The following GALNT18 variants were observed in gnomAD, a reference collection of about 807,000 sequenced individuals.
GALNT18 encodes the protein GalNAc-transferase 18.
A neutral mutation model predicts 69.5 loss-of-function variants in GALNT18; 44 were observed. The observed-to-expected ratio is 0.63, with a 90% CI of 0.50 to 0.81. The LOEUF (loss-of-function observed/expected upper bound fraction) is 0.81. Ranked by LOEUF, GALNT18 falls within the 40% of genes least tolerant of loss-of-function variation. The pLI, the probability that GALNT18 is intolerant of heterozygous loss-of-function variation, is 0.00. For synonymous variants in GALNT18, 364 were observed against 318.2 expected (o/e 1.14, Z -1.53); for missense variants, 715 against 810.0 (o/e 0.88, Z 1.42).
intron 1 of GALNT18, among the ~76,000 whole-genome samples, chr11:11,547,788 A>C (rs1858095490): frequency 6.6e-6 from 1 of 152,154 alleles, no homozygotes. Context: ...CCAGCCTAAA[A>C]TTCATTCCAT....
rs1025750243 is a variant in GALNT18, at chr11:11,573,060, G to A, written c.235+48299C>T. ...CCCATTTTACAGATGAGAAACCTGG[G>A]TCTCAGAGATACTAATGAAAGTAAC... On this transcript the variant is annotated intron_variant, in intron 1 of 10. Coordinates refer to ENST00000227756, the MANE Select transcript of GALNT18 (RefSeq NM_198516.3). This position sits in a 1 kb window ranked among gnomAD's most constrained non-coding sequence, Gnocchi z 4.6. Among the ~76,000 whole-genome samples, 1 of 152,112 alleles carries A rather than the reference G, an allele frequency of 6.6e-6. No homozygotes were observed. Among genetic ancestry groups the A allele is most frequent in the African/African-American group, 2.4e-5 (1 of 41,438 alleles).
intron 1 of GALNT18, among the ~76,000 whole-genome samples, chr11:11,472,989 C>G (rs150833064): frequency 1.3e-5 from 2 of 151,876 alleles, no homozygotes; most frequent in African/African-American, 4.8e-5. Flanking sequence ...GAGACCCTGT[C>G]TCAAAAAAAT....
At chr11:11,422,491 A>T (rs1855032735) in intron 3 of GALNT18, among the ~76,000 whole-genome samples, 1 of 152,224 alleles carries the variant, frequency 6.6e-6, no homozygotes, top group South Asian at 2.1e-4. Flanking sequence ...CTGACAGCCC[A>T]TGTGCTTGGC....
rs547145300 is a variant in GALNT18, at chr11:11,557,331, C to A, written c.235+64028G>T. On this transcript the variant is annotated intron_variant, in intron 1 of 10. Transcript: ENST00000227756. ...GTACCCGCATTTTTAAAAGCATAAA[C>A]CCTACAATTAGAGAGCTTGGATTCA... Among the ~76,000 whole-genome samples, 12 of 152,246 alleles carry A rather than the reference C, an allele frequency of 7.9e-5. No individual in the cohort carries two copies. The South Asian group carries it at 2.5e-3, about 32-fold the overall frequency.
rs1857881517 is a variant in GALNT18, at chr11:11,540,232, G to C, written c.235+81127C>G. On this transcript the variant is annotated intron_variant, in intron 1 of 10. Coordinates refer to ENST00000227756, the MANE Select transcript of GALNT18 (RefSeq NM_198516.3). This position sits in a 1 kb window ranked among gnomAD's most constrained non-coding sequence, Gnocchi z 4.6. ...ATAGTCAGTTCTGTCTCCTTAGCAA[G>C]CTATCTTCTCAAGGGCTTAGAAGGC... Among the ~76,000 whole-genome samples, 1 of 152,244 alleles carries C rather than the reference G, an allele frequency of 6.6e-6. No homozygotes were observed. Among genetic ancestry groups the C allele is most frequent in the African/African-American group, 2.4e-5 (1 of 41,474 alleles).
chr11:11,501,905 G>A (rs1427673358), intron 1 of GALNT18, among the ~76,000 whole-genome samples: 2 of 152,228 alleles, frequency 1.3e-5, no homozygotes, highest in Non-Finnish European at 2.9e-5. Context: ...CCCTCTTGCA[G>A]CAAATGCAGC....
At chr11:11,518,492 G>T (rs754267844) in intron 1 of GALNT18, among the ~76,000 whole-genome samples, 1 of 152,184 alleles carries the variant, frequency 6.6e-6, no homozygotes, top group Non-Finnish European at 1.5e-5. Flanking sequence ...TAGTAGAGAT[G>T]ATGTACCTTT....
At chr11:11,274,822 G>C (rs1354908968) in intron 10 of GALNT18, among the ~76,000 whole-genome samples, 2 of 152,284 alleles carry the variant, frequency 1.3e-5, no homozygotes, top group African/African-American at 4.8e-5. Flanking sequence ...GTTCTTTGCT[G>C]TTCTTATGAT....
chr11:11,606,596 AC>A lies in GALNT18; in HGVS notation c.235+14762del, dbSNP rs910642194. Among the ~76,000 whole-genome samples the A allele has an allele frequency of 3.9e-5, 6 of 152,112 alleles. No individual in the cohort carries two copies. The highest frequency in any genetic ancestry group is 1.4e-4 in the African/African-American group (6 of 41,406). ...AGGCAGCATCACTAGGAGCTGTTGG[AC>A]CCGAAGTCAGGCTCTGGTCAGCAGG... On this transcript the variant is annotated intron_variant, in intron 1 of 10. Transcript: ENST00000227756. The surrounding 1 kb of genome is among the most constrained non-coding windows in gnomAD (Gnocchi z 5.4).
intron 1 of GALNT18, among the ~76,000 whole-genome samples, chr11:11,460,912 T>A (rs758202751): frequency 6.6e-6 from 1 of 152,208 alleles, no homozygotes; most frequent in Non-Finnish European, 1.5e-5. Context: ...TCTCAAGTAT[T>A]CTTTTATAGC....
chr11:11,391,008 T>A (rs556821428), intron 3 of GALNT18, among the ~76,000 whole-genome samples: 35 of 152,340 alleles, frequency 2.3e-4, no homozygotes, highest in African/African-American at 7.5e-4. Context: ...CATTACCTGC[T>A]CATCAGTCTG....
chr11:11,476,024 C>T (rs547331204), intron 1 of GALNT18: 5 of 152,258 alleles, frequency 3.3e-5, no homozygotes, highest in Admixed American at 6.5e-5. Flanking sequence ...TGGCTCATGA[C>T]GATAGAAATA....
chr11:11,310,961 G>A (rs1055515115), intron 9 of GALNT18, among the ~76,000 whole-genome samples: 2 of 152,124 alleles, frequency 1.3e-5, no homozygotes, highest in Non-Finnish European at 2.9e-5. Context: ...GCTCAATGCC[G>A]CCAGCCATTC....
intron 1 of GALNT18, among the ~76,000 whole-genome samples, chr11:11,489,202 T>C (rs1339279942): frequency 1.3e-5 from 2 of 152,050 alleles, no homozygotes; most frequent in Non-Finnish European, 2.9e-5. Context: ...CCCACAGGAG[T>C]ATGAATGGGG....
At chr11:11,578,461 T>C (rs1046766746) in intron 1 of GALNT18, among the ~76,000 whole-genome samples, 16 of 152,156 alleles carry the variant, frequency 1.1e-4, no homozygotes, top group Middle Eastern at 3.4e-3. Flanking sequence ...GTAAAAAGAA[T>C]TTTAATTAAA....
At chr11:11,549,809 C>T (rs1207613597) in intron 1 of GALNT18, among the ~76,000 whole-genome samples, 1 of 152,196 alleles carries the variant, frequency 6.6e-6, no homozygotes, top group African/African-American at 2.4e-5. Flanking sequence ...AGAACCTAAC[C>T]CACACAAATA....
chr11:11,365,003 TTC>T (rs1850730151), intron 6 of GALNT18, among the ~76,000 whole-genome samples: 2 of 82,754 alleles, frequency 2.4e-5, no homozygotes, highest in African/African-American at 4.8e-5. Flanking sequence ...AAAGAGTTTT[TTC>T]TCTTTTTTCC....
chr11:11,544,221 C>A (rs903938145), intron 1 of GALNT18, among the ~76,000 whole-genome samples: 4 of 152,150 alleles, frequency 2.6e-5, no homozygotes, highest in Admixed American at 2.6e-4. Flanking sequence ...TAGTAATGGA[C>A]ATTGAGGGGA....
intron 6 of GALNT18, chr11:11,352,831 G>C: frequency 3.1e-6 from 5 of 1,614,228 alleles, no homozygotes; most frequent in Non-Finnish European, 4.2e-6. Context: ...ATGTCTGCCA[G>C]TGTGATGATG....
Sources: allele counts gnomAD v4.1 joint callset (sites outside exome capture counted in the v4.1 genomes callset), GRCh38; gene constraint gnomAD v4.1.1; non-coding constraint Gnocchi (gnomAD v3.1); transcripts MANE v1.5; gene names NCBI Gene and HGNC (gene_info 2026-07-23, HGNC 2026-07-21).